Variants in IL31RA observed in about 807,000 individuals in gnomAD.
The protein encoded by IL31RA is interleukin-31 receptor subunit alpha.
A neutral mutation model predicts 83.7 loss-of-function variants in IL31RA; 66 were observed. The observed-to-expected ratio is 0.79, with a 90% CI of 0.65 to 0.97. IL31RA has a LOEUF of 0.97. Ranked by LOEUF, IL31RA falls within the 50% of genes least tolerant of loss-of-function variation. The probability of loss-of-function intolerance (pLI) is 0.00; values close to 1 mark genes in which losing one functional copy is unlikely to be tolerated. For missense variants in IL31RA, 798 were observed against 919.4 expected (o/e 0.87, Z 1.71); for synonymous variants, 325 against 329.0 (o/e 0.99, Z 0.13).
rs866541843 is a variant in IL31RA, at chr5:55,922,060, G to A, written c.*4940G>A. Among the ~76,000 whole-genome samples the A allele has an allele frequency of 2.8e-5, 4 of 145,416 alleles. No homozygotes were observed. Among genetic ancestry groups the A allele is most frequent in the Non-Finnish European group, 4.5e-5 (3 of 67,098 alleles). On this transcript the variant is annotated 3_prime_UTR_variant, in exon 15 of 15. Transcript: ENST00000652347. ...TTGCACTCTTATGTTGTGGCGGGGG[G>A]GGGGGGCGGTTCCTGAAGAGTGGAG...
upstream of IL31RA, among the ~76,000 whole-genome samples, chr5:55,850,335 T>C (rs1403991252): frequency 6.6e-6 from 1 of 152,326 alleles, no homozygotes; most frequent in South Asian, 2.1e-4. Flanking sequence ...TCTGTGCTTC[T>C]GTACTGCTGG....
intron 2 of IL31RA, 27 bp from the exon 3 acceptor site, chr5:55,868,762 TTG>T (rs758980070): frequency 9.1e-4 from 1,060 of 1,167,994 alleles, no homozygotes; most frequent in Non-Finnish European, 1.2e-3. Flanking sequence ...ATTTTTGTGT[TTG>T]TGTGTGTGTG....
Position 55,917,323 on chromosome 5 carries a change from A to C in IL31RA, c.*203A>C, listed in dbSNP as rs1749849672. On this transcript the variant is annotated 3_prime_UTR_variant, in exon 15 of 15. Coordinates refer to ENST00000652347, the MANE Select transcript of IL31RA (RefSeq NM_139017.7). The stretch of plus-strand genomic sequence containing the variant: ...GGAAGAAGGGATGGTGATAAGCCCG[A>C]GTTTTGTAAAGGAACAGCAGTCTCT... The C allele has an allele frequency of 1.4e-5, 20 of 1,449,404 alleles. No homozygotes were observed. Among genetic ancestry groups the C allele is most frequent in the Non-Finnish European group, 1.8e-5 (20 of 1,105,952 alleles). 89.8% of individuals were successfully genotyped at this position (1,449,404 alleles called of 1,614,324 possible). A position where few individuals can be genotyped will look rare whatever the true frequency, so the allele number is the denominator to read the frequency against.
At chr5:55,895,829 G>A (rs547589903) in intron 6 of IL31RA, among the ~76,000 whole-genome samples, 2 of 152,184 alleles carry the variant, frequency 1.3e-5, no homozygotes, top group Non-Finnish European at 2.9e-5. Context: ...GAAAACCAGC[G>A]TTAAATTTAG....
At chr5:55,878,936 G>A (rs1747021596) in intron 4 of IL31RA, among the ~76,000 whole-genome samples, 1 of 152,130 alleles carries the variant, frequency 6.6e-6, no homozygotes, top group Admixed American at 6.5e-5. Flanking sequence ...ACAGGTGTGA[G>A]CCACTATGCC....
intron 1 of IL31RA, chr5:55,853,502 A>G: frequency 2.6e-6 from 4 of 1,550,706 alleles, no homozygotes; most frequent in Non-Finnish European, 3.5e-6. Context: ...TGGGAGGTGG[A>G]GTTGCCTTTG....
intron 5 of IL31RA, among the ~76,000 whole-genome samples, chr5:55,887,238 G>A (rs1747672352): frequency 1.3e-5 from 2 of 152,178 alleles, no homozygotes; most frequent in Admixed American, 1.3e-4. Context: ...AAATCAAGAT[G>A]TTGAAAGCTT....
chr5:55,898,631 A>ATG lies in IL31RA; in HGVS notation c.853-1283_853-1282dup, dbSNP rs1748600036. The stretch of plus-strand genomic sequence containing the variant: ...TAAAAAGATTTTAAATAACATATTA[A>ATG]TGTTATTTTAAAAAGATTTTAAATA... On this transcript the variant is annotated intron_variant, in intron 7 of 14. Coordinates refer to ENST00000652347, the MANE Select transcript of IL31RA (RefSeq NM_139017.7). Among the ~76,000 whole-genome samples, 2 of 40,280 alleles carry ATG rather than the reference A, an allele frequency of 5.0e-5. 1 individual carries two copies. The highest frequency in any genetic ancestry group is 2.3e-4 in the African/African-American group (2 of 8,746). The allele number at this position is 40,280 out of a possible 152,430, so 26.4% of individuals were successfully genotyped here. A position where few individuals can be genotyped will look rare whatever the true frequency, so the allele number is the denominator to read the frequency against.
chr5:55,890,285 A>C, intron 6 of IL31RA, 150 bp downstream of exon 6: 1 of 725,606 alleles, frequency 1.4e-6, no homozygotes, highest in South Asian at 1.5e-5. Flanking sequence ...AGCCTGCACA[A>C]CTTTGTGCCC....
chr5:55,854,046 T>C (rs1745210763), intron 1 of IL31RA, among the ~76,000 whole-genome samples: 1 of 152,224 alleles, frequency 6.6e-6, no homozygotes, highest in Non-Finnish European at 1.5e-5. Context: ...TGATATCTCT[T>C]GGCCTCAGAT....
intron 1 of IL31RA, among the ~76,000 whole-genome samples, chr5:55,856,736 G>A (rs996572614): frequency 6.6e-6 from 1 of 152,154 alleles, no homozygotes; most frequent in East Asian, 1.9e-4. Context: ...TGCCCTGTCA[G>A]AGTCTTTCGC....
intron 11 of IL31RA, among the ~76,000 whole-genome samples, chr5:55,909,473 T>A (rs9632390): frequency 0.19 from 29,578 of 152,124 alleles, 3,161 homozygotes; most frequent in Middle Eastern, 0.32. Flanking sequence ...TTTAACTTAT[T>A]GAGGAGCCAC....
chr5:55,851,984 T>G (rs1210463255), intron 1 of IL31RA, among the ~76,000 whole-genome samples: 1 of 152,174 alleles, frequency 6.6e-6, no homozygotes, highest in Non-Finnish European at 1.5e-5. Context: ...TAGAGATAAA[T>G]GTATATGCTC....
intron 2 of IL31RA, among the ~76,000 whole-genome samples, chr5:55,864,780 CCACACACACTCTA>C (rs1561540949): frequency 1.3e-5 from 2 of 151,206 alleles, no homozygotes; most frequent in African/African-American, 4.9e-5. Flanking sequence ...TACACACATA[CCACACACACTCTA>C]CACACACACC....
chr5:55,849,998 A>G (rs769258033), upstream of IL31RA, among the ~76,000 whole-genome samples: 1 of 152,238 alleles, frequency 6.6e-6, no homozygotes, highest in African/African-American at 2.4e-5. Flanking sequence ...GGATGGGTAG[A>G]GCATCCTAGG....
the IL31RA span, among the ~76,000 whole-genome samples, chr5:55,844,975 T>C: frequency 6.6e-6 from 1 of 152,190 alleles, no homozygotes; most frequent in African/African-American, 2.4e-5. Context: ...TCCTTAGAAT[T>C]TCCATTCTGT....
chr5:55,861,931 G>T (rs980857968), intron 2 of IL31RA, among the ~76,000 whole-genome samples: 1 of 152,224 alleles, frequency 6.6e-6, no homozygotes, highest in Non-Finnish European at 1.5e-5. Context: ...GCACCAAAGT[G>T]ATATGAGTAT....
chr5:55,903,138 T>A lies in IL31RA; in HGVS notation c.1070-2968T>A, dbSNP rs973975392. Among the ~76,000 whole-genome samples, 2 of 152,176 alleles carry A rather than the reference T, an allele frequency of 1.3e-5. No individual in the cohort carries two copies. Among genetic ancestry groups the A allele is most frequent in the Non-Finnish European group, 2.9e-5 (2 of 68,026 alleles). ...TCTGCTCAGCACGCCCTGGGTTTTG[T>A]GAGACCCGAGACAGCAGGCAGCGGT... On this transcript the variant is annotated intron_variant, in intron 8 of 14. Transcript: ENST00000652347. The surrounding 1 kb of genome is among the most constrained non-coding windows in gnomAD (Gnocchi z 4.7).
intron 4 of IL31RA, among the ~76,000 whole-genome samples, chr5:55,873,909 T>C (rs1430734215): frequency 5.3e-5 from 8 of 152,110 alleles, no homozygotes; most frequent in Non-Finnish European, 1.2e-4. Context: ...AATGTATATA[T>C]TTTTTATTTG....
Sources: gnomAD v4.1 joint callset for allele counts (sites outside exome capture counted in the v4.1 genomes callset) on GRCh38, gnomAD v4.1.1 for gene constraint, Gnocchi (gnomAD v3.1) non-coding constraint, MANE v1.5 for transcripts, NCBI Gene and HGNC (gene_info 2026-07-23, HGNC 2026-07-21) for gene names.